Variants in ASAP1 observed in about 807,000 individuals in gnomAD.
The protein encoded by ASAP1 is arf-GAP with SH3 domain, ANK repeat and PH domain-containing protein 1.
ASAP1 carries 43 observed loss-of-function variants against 145.2 expected under a neutral mutation model. The observed-to-expected ratio is 0.30, with a 90% CI of 0.23 to 0.38. The LOEUF is 0.38. Among genes scored for constraint, ASAP1 ranks in the 10% least tolerant of loss-of-function variants. The probability of loss-of-function intolerance (pLI) is 1.00; values close to 1 mark genes in which losing one functional copy is unlikely to be tolerated. For synonymous variants in ASAP1, 546 were observed against 515.5 expected, an observed-to-expected ratio of 1.06 and a Z score of -0.80; for missense variants, 1,018 against 1,355.3, an observed-to-expected ratio of 0.75 and a Z score of 3.91.
chr8:130,078,082 C>T (rs1446126778), intron 26 of ASAP1, among the ~76,000 whole-genome samples: 1 of 151,966 alleles, frequency 6.6e-6, no homozygotes, highest in African/African-American at 2.4e-5. Context: ...CTCCACTTCC[C>T]AGGTTCAAGT....
intron 3 of ASAP1, among the ~76,000 whole-genome samples, chr8:130,353,985 C>G (rs1826155807): frequency 6.6e-6 from 1 of 152,034 alleles, no homozygotes; most frequent in Non-Finnish European, 1.5e-5. Context: ...CTCCCGGGTT[C>G]ATGCCATTCT....
At chr8:130,081,174 C>A (rs1378964382) in intron 25 of ASAP1, among the ~76,000 whole-genome samples, 2 of 152,180 alleles carry the variant, frequency 1.3e-5, no homozygotes, top group African/African-American at 2.4e-5. Context: ...GGAATGCTGT[C>A]TGGGGAAGAC....
chr8:130,077,326 C>T (rs1235557360), intron 26 of ASAP1, among the ~76,000 whole-genome samples: 1 of 152,148 alleles, frequency 6.6e-6, no homozygotes, highest in East Asian at 1.9e-4. Context: ...CAACTGAAAC[C>T]CCAGTGCCAT....
chr8:130,310,293 G>A (rs896035610), intron 3 of ASAP1, among the ~76,000 whole-genome samples: 1 of 152,072 alleles, frequency 6.6e-6, no homozygotes, highest in Non-Finnish European at 1.5e-5. Flanking sequence ...AAAATTATGA[G>A]GAAGAAGTAG....
chr8:130,136,826 C>G (rs76830015), intron 14 of ASAP1, 125 bp downstream of exon 14: 13,243 of 797,708 alleles, frequency 0.017, 184 homozygotes, highest in East Asian at 0.047. Flanking sequence ...GCAGCACATG[C>G]AGGAATAACT....
chr8:130,126,083 G>C lies in ASAP1; in HGVS notation c.1388C>G (p.Thr463Ser), dbSNP rs2097574477. The change falls in exon 17 of 30, where the codon ACC (threonine) becomes AGC (serine). Residue 463 changes from threonine to serine, a missense_variant. Around this residue, in one of 9 missense-constraint regions of ASAP1, gnomAD observed 153 missense variants for 221.6 expected, o/e 0.69. Coordinates refer to ENST00000518721, the MANE Select transcript of ASAP1 (RefSeq NM_018482.4). Reference sequence around the variant, plus strand: ...AATACCCAAGTTGGTTGAAAGCCAGGTGGGTTCTGTGGAAAGAATGTTGAA... The same window carrying C: ...AATACCCAAGTTGGTTGAAAGCCAGCTGGGTTCTGTGGAAAGAATGTTGAA... ...ICCDCGSSEP[T>S]WLSTNLGILT... The C allele has an allele frequency of 6.2e-7, 1 of 1,603,412 alleles. No individual in the cohort carries two copies. Among genetic ancestry groups the C allele is most frequent in the African/African-American group, 1.3e-5 (1 of 74,216 alleles).
At chr8:130,311,919 G>A (rs1184071205) in intron 3 of ASAP1, among the ~76,000 whole-genome samples, 1 of 151,874 alleles carries the variant, frequency 6.6e-6, no homozygotes, top group Non-Finnish European at 1.5e-5. Context: ...ATTTGAATAC[G>A]ATCCATAATG....
chr8:130,415,902 C>G (rs1829457151), intron 1 of ASAP1, among the ~76,000 whole-genome samples: 1 of 152,160 alleles, frequency 6.6e-6, no homozygotes, highest in Non-Finnish European at 1.5e-5. Flanking sequence ...CCAGGGAACA[C>G]CACTGTTCCA....
At chr8:130,064,280 TGAG>T (rs907129923) in intron 27 of ASAP1, among the ~76,000 whole-genome samples, 247 of 152,186 alleles carry the variant, frequency 1.6e-3, no homozygotes, top group African/African-American at 5.6e-3. Context: ...GTGGAGATGA[TGAG>T]AAGTGACTGG....
At chr8:130,372,503 T>C (rs979450146) in intron 2 of ASAP1, among the ~76,000 whole-genome samples, 1 of 152,246 alleles carries the variant, frequency 6.6e-6, no homozygotes, top group African/African-American at 2.4e-5. Flanking sequence ...TACCAGTGTA[T>C]TATCTATACC....
At chr8:130,097,281 C>T (rs2097520421) in intron 24 of ASAP1, among the ~76,000 whole-genome samples, 1 of 152,016 alleles carries the variant, frequency 6.6e-6, no homozygotes, top group Non-Finnish European at 1.5e-5. Context: ...CAGGCCTGTC[C>T]TCAAGGCACT....
chr8:130,431,414 C>T (rs1830130322), intron 1 of ASAP1, among the ~76,000 whole-genome samples: 1 of 152,226 alleles, frequency 6.6e-6, no homozygotes, highest in Admixed American at 6.5e-5. Context: ...CATCCTACCT[C>T]AAACGTTAGG....
At chr8:130,184,844 T>C (rs1814610984) in intron 7 of ASAP1, among the ~76,000 whole-genome samples, 1 of 152,220 alleles carries the variant, frequency 6.6e-6, no homozygotes, top group South Asian at 2.1e-4. Context: ...ACACACTACC[T>C]TATCTCGTCC....
At chr8:130,056,992 A>G (rs1258624617) in intron 29 of ASAP1, among the ~76,000 whole-genome samples, 1 of 152,224 alleles carries the variant, frequency 6.6e-6, no homozygotes, top group Non-Finnish European at 1.5e-5. Flanking sequence ...AGCAGGGCCT[A>G]TGAGGATGCT....
intron 3 of ASAP1, among the ~76,000 whole-genome samples, chr8:130,244,928 G>A (rs933712627): frequency 6.6e-6 from 1 of 152,156 alleles, no homozygotes; most frequent in African/African-American, 2.4e-5. Context: ...GAGGCAGAGA[G>A]AAGCAGAACA....
At position 130,214,594 on chromosome 8, in the gene ASAP1, T is replaced by A. The variant is rs199603852; in HGVS notation, c.367A>T (p.Thr123Ser). 3.2e-5 allele frequency: 52 copies of A among 1,612,836 alleles called. No homozygotes were observed. In the East Asian group the frequency reaches 1.1e-3, roughly 35 times the overall value. Reference protein sequence around the residue: ...DLGTAFVKFSTLTKELSTLLK... With the variant: ...DLGTAFVKFSSLTKELSTLLK... ...AGTGTGGACAGTTCCTTTGTAAGAG[T>A]AGAAAACTTGACAAACGCGGTGCCA... Residue 123 changes from threonine to serine, a missense_variant, in exon 5 of 30, where the codon ACT (threonine) becomes TCT (serine). Thr to Ser is a moderately conservative substitution (Grantham distance 58). Coordinates refer to ENST00000518721, the MANE Select transcript of ASAP1 (RefSeq NM_018482.4).
At chr8:130,195,018 TA>T (rs1815385851) in intron 5 of ASAP1, 1 of 152,182 alleles carries the variant, frequency 6.6e-6, no homozygotes, top group African/African-American at 2.4e-5. Context: ...AATAAATTTT[TA>T]AAAAAGCTTT....
intron 3 of ASAP1, among the ~76,000 whole-genome samples, chr8:130,321,158 T>C (rs996693947): frequency 1.6e-4 from 24 of 152,254 alleles, no homozygotes; most frequent in African/African-American, 5.3e-4. Context: ...TCCAAAAGGC[T>C]GTCAATCTCC....
In ASAP1 at chr8:130,401,976, TA is replaced by T. The variant is rs1417242158; in HGVS notation, c.-27-7del. The stretch of plus-strand genomic sequence containing the variant: ...CCGTCACATCAGAAAACGACCTGGA[TA>T]GGGGGCAGGACAAAAAGGGGACAAG... On this transcript the variant is annotated splice_region_variant and splice_polypyrimidine_tract_variant and intron_variant, in intron 1 of 29. Coordinates refer to ENST00000518721, the MANE Select transcript of ASAP1 (RefSeq NM_018482.4). 17 of 1,601,052 alleles carry T rather than the reference TA, an allele frequency of 1.1e-5. No individual in the cohort carries two copies. The highest frequency in any genetic ancestry group is 1.4e-5 in the Non-Finnish European group (16 of 1,170,996).
Sources: gnomAD v4.1 joint callset for allele counts (sites outside exome capture counted in the v4.1 genomes callset) on GRCh38, gnomAD v4.1.1 for gene constraint, gnomAD v4.1.1 regional missense constraint, MANE v1.5 for transcripts, NCBI Gene and HGNC (gene_info 2026-07-23, HGNC 2026-07-21) for gene names.